GRIK2: variants seen among roughly 807,000 people sequenced by gnomAD.
GRIK2 encodes the protein glutamate ionotropic receptor kainate type subunit 2.
A neutral mutation model predicts 100.3 loss-of-function variants in GRIK2; 32 were observed. The ratio of observed to expected loss-of-function variants is 0.32; its 90% CI spans 0.24 to 0.43. GRIK2 has a LOEUF of 0.43. Among genes scored for constraint, GRIK2 ranks in the 20% least tolerant of loss-of-function variants. The pLI is 1.00. For missense variants in GRIK2, 843 were observed against 1,114.9 expected (o/e 0.76, Z 3.47); for synonymous variants, 417 against 389.4 (o/e 1.07, Z -0.83).
chr6:101,692,897 T>C (rs1444362399), intron 7 of GRIK2, among the ~76,000 whole-genome samples: 2 of 152,090 alleles, frequency 1.3e-5, no homozygotes, highest in Non-Finnish European at 2.9e-5. Context: ...ATTTGTTACA[T>C]TTATATATGC....
chr6:102,011,906 A>G (rs1056147645), intron 14 of GRIK2, among the ~76,000 whole-genome samples: 4 of 152,022 alleles, frequency 2.6e-5, no homozygotes, highest in Non-Finnish European at 4.4e-5. Flanking sequence ...TCTTTTATGG[A>G]TAATGCTTTT....
intron 7 of GRIK2, among the ~76,000 whole-genome samples, chr6:101,784,991 T>G (rs1779332842): frequency 6.6e-6 from 1 of 152,218 alleles, no homozygotes; most frequent in African/African-American, 2.4e-5. Flanking sequence ...TTAAGAACTA[T>G]TCAAACTCGG....
chr6:102,048,448 C>A (rs897696112), intron 15 of GRIK2, among the ~76,000 whole-genome samples: 16 of 152,086 alleles, frequency 1.1e-4, no homozygotes, highest in Non-Finnish European at 2.1e-4. Flanking sequence ...AAAATATTTG[C>A]AAGCCACACA....
intron 7 of GRIK2, among the ~76,000 whole-genome samples, chr6:101,693,436 G>GAAA (rs556487300): frequency 7.1e-6 from 1 of 140,978 alleles, no homozygotes. Context: ...ATGTAGGGGA[G>GAAA]AAAAAAAAAA....
At chr6:101,727,979 T>C (rs1774992631) in intron 7 of GRIK2, among the ~76,000 whole-genome samples, 1 of 152,012 alleles carries the variant, frequency 6.6e-6, no homozygotes, top group African/African-American at 2.4e-5. Context: ...CAAAGCCTAA[T>C]TAAGGAATGA....
chr6:101,959,503 T>G (rs1304856206), intron 14 of GRIK2, among the ~76,000 whole-genome samples: 3 of 152,154 alleles, frequency 2.0e-5, no homozygotes, highest in Non-Finnish European at 4.4e-5. Context: ...TAACAATCTA[T>G]CAATATTGTT....
intron 14 of GRIK2, among the ~76,000 whole-genome samples, chr6:101,966,831 A>G (rs1369418223): frequency 6.6e-6 from 1 of 152,130 alleles, no homozygotes; most frequent in Non-Finnish European, 1.5e-5. Context: ...CAAGGCAAAT[A>G]CAATTTCCTC....
At chr6:101,815,662 T>C (rs1215424005) in intron 9 of GRIK2, among the ~76,000 whole-genome samples, 1 of 151,750 alleles carries the variant, frequency 6.6e-6, no homozygotes, top group Non-Finnish European at 1.5e-5. Context: ...TCAAGTCATA[T>C]GACAAAATAG....
At chr6:101,496,189 C>A (rs574675954) in intron 2 of GRIK2, among the ~76,000 whole-genome samples, 2 of 152,174 alleles carry the variant, frequency 1.3e-5, no homozygotes, top group African/African-American at 4.8e-5. Context: ...TCAGGTAATC[C>A]GCTTGTCTCA....
At chr6:101,561,253 G>A (rs1776997867) in intron 2 of GRIK2, among the ~76,000 whole-genome samples, 1 of 152,128 alleles carries the variant, frequency 6.6e-6, no homozygotes, top group South Asian at 2.1e-4. Flanking sequence ...CATGTATAGA[G>A]TTTGTAATGG....
intron 2 of GRIK2, among the ~76,000 whole-genome samples, chr6:101,419,387 T>C (rs930776627): frequency 1.3e-4 from 20 of 152,262 alleles, no homozygotes; most frequent in Admixed American, 4.6e-4. Context: ...GTGGAGGTAT[T>C]TGGGCCTCTT....
intron 2 of GRIK2, among the ~76,000 whole-genome samples, chr6:101,502,990 A>G (rs1034917951): frequency 3.5e-4 from 53 of 152,166 alleles, no homozygotes; most frequent in African/African-American, 1.3e-3. Flanking sequence ...TGGCTGCTCT[A>G]TTGAGGAATA....
chr6:101,739,064 T>G (rs1018142885), intron 7 of GRIK2, among the ~76,000 whole-genome samples: 4 of 152,174 alleles, frequency 2.6e-5, no homozygotes, highest in African/African-American at 9.6e-5. Flanking sequence ...AATTGCTAAT[T>G]AAGGCAAGAG....
intron 2 of GRIK2, among the ~76,000 whole-genome samples, chr6:101,412,011 C>A (rs1005294331): frequency 6.6e-6 from 1 of 151,980 alleles, no homozygotes; most frequent in Non-Finnish European, 1.5e-5. Context: ...TTTCAGTTGC[C>A]ATGAATACAT....
chr6:101,859,480 A>G lies in GRIK2; in HGVS notation c.1511A>G (p.Glu504Gly). Residue 504 changes from glutamate to glycine, a missense_variant, in exon 11 of 17, where the codon GAA becomes GGA. By Grantham distance (98) the Glu-to-Gly change is moderately conservative. Coordinates refer to ENST00000369134, the MANE Select transcript of GRIK2 (RefSeq NM_021956.5). ...GGACAATGGAATGGAATGGTTCGTG[A>G]ACTAATTGATCATGTAAGTCCCTTC... ...ANGQWNGMVR[E>G]LIDHKADLAV... 1 of 1,588,032 alleles carries G rather than the reference A, an allele frequency of 6.3e-7. No homozygotes were observed. The highest frequency in any genetic ancestry group is 8.6e-7 in the Non-Finnish European group (1 of 1,158,100).
intron 12 of GRIK2, among the ~76,000 whole-genome samples, 175 bp from the exon 13 acceptor site, chr6:101,924,426 G>A (rs765018021): frequency 5.9e-5 from 9 of 152,150 alleles, no homozygotes; most frequent in Non-Finnish European, 1.3e-4. Context: ...GATAAGGACA[G>A]GGATCTTTAA....
chr6:101,879,677 C>T (rs966912734), intron 11 of GRIK2, among the ~76,000 whole-genome samples: 4 of 70,376 alleles, frequency 5.7e-5, no homozygotes, highest in Non-Finnish European at 1.2e-4. Context: ...GATCTCACTA[C>T]ATTTTTTTTT....
chr6:101,574,336 A>AAAT (rs199936965), intron 2 of GRIK2, among the ~76,000 whole-genome samples: 314 of 147,452 alleles, frequency 2.1e-3, no homozygotes, highest in Middle Eastern at 7.2e-3. Context: ...AATATATGAT[A>AAAT]AATAAAAATA....
chr6:101,639,577 C>T (rs1377255986), intron 4 of GRIK2, among the ~76,000 whole-genome samples: 8 of 151,654 alleles, frequency 5.3e-5, no homozygotes, highest in East Asian at 2.0e-4. Flanking sequence ...GGCGAGAGAG[C>T]GACACTCCAT....
Sources: gnomAD v4.1 joint callset for allele counts (sites outside exome capture counted in the v4.1 genomes callset) on GRCh38, gnomAD v4.1.1 for gene constraint, MANE v1.5 for transcripts, NCBI Gene and HGNC (gene_info 2026-07-23, HGNC 2026-07-21) for gene names.